TLK2: variants seen among roughly 807,000 people sequenced by gnomAD.
TLK2 encodes serine/threonine-protein kinase tousled-like 2.
TLK2 carries 6 observed loss-of-function variants against 117.3 expected under a neutral mutation model. That is an observed-to-expected ratio of 0.05 (90% CI 0.03 to 0.10). The LOEUF is 0.10. Among genes scored for constraint, TLK2 ranks in the 10% least tolerant of loss-of-function variants. TLK2 has a pLI of 1.00. For synonymous variants in TLK2, 257 were observed against 316.7 expected (o/e 0.81, Z 2.00); for missense variants, 299 against 901.2 (o/e 0.33, Z 8.56).
chr17:62,499,992 A>G (rs575718580), intron 2 of TLK2, among the ~76,000 whole-genome samples: 1 of 152,290 alleles, frequency 6.6e-6, no homozygotes, highest in African/African-American at 2.4e-5. Context: ...TTAGAGTGCC[A>G]TTTGCTATAA....
At chr17:62,584,107 GTTTTTTTTTTT>G (rs572000997) in intron 15 of TLK2, among the ~76,000 whole-genome samples, 14 of 78,528 alleles carry the variant, frequency 1.8e-4, no homozygotes, top group African/African-American at 6.1e-4. Context: ...TTCTTTTGTG[GTTTTTTTTTTT>G]TTTTTTTTTT....
intron 2 of TLK2, chr17:62,516,186 A>G (rs2075567216): frequency 8.6e-6 from 5 of 583,020 alleles, no homozygotes; most frequent in Non-Finnish European, 1.5e-5. Flanking sequence ...CGGCCTCCCA[A>G]AGTGCTGGGA....
Position 62,566,657 on chromosome 17 carries a change from A to G in TLK2, c.968+1520A>G, listed in dbSNP as rs1217448493. Among the ~76,000 whole-genome samples the G allele has an allele frequency of 1.1e-4, 16 of 152,326 alleles. No homozygotes were observed. In the East Asian group the frequency reaches 1.9e-3, roughly 18 times the overall value. ...TCAGGGCAGTGTAAACAGCAGTTAC[A>G]TGGAGGTATGATACCTGTTTATAAC... is the stretch of plus-strand genomic sequence containing the variant. On this transcript the variant is annotated intron_variant, in intron 11 of 21. Coordinates refer to ENST00000346027, the MANE Select transcript of TLK2 (RefSeq NM_006852.6).
rs569259840 is a variant in TLK2 at position 62,566,800 on chromosome 17, T to G, written c.968+1663T>G. On this transcript the variant is annotated intron_variant, in intron 11 of 21. Transcript: ENST00000346027. ...GATCCACATAGTGGCCAAAGCCACC[T>G]AATGCTTACACTGACTTCTAGTAGT... 1.1e-4 allele frequency among the ~76,000 whole-genome samples: 17 copies of G among 152,356 alleles called. No individual in the cohort carries two copies. The South Asian group carries it at 3.3e-3, about 30-fold the overall frequency.
intron 9 of TLK2, among the ~76,000 whole-genome samples, chr17:62,555,610 G>A (rs2146264068): frequency 6.7e-6 from 1 of 148,974 alleles, no homozygotes; most frequent in Non-Finnish European, 1.5e-5. Context: ...AGCCTCCTGA[G>A]TAGCTGGGAT....
chr17:62,488,181 G>T (rs914704382), intron 2 of TLK2, among the ~76,000 whole-genome samples: 1 of 150,374 alleles, frequency 6.7e-6, no homozygotes, highest in Non-Finnish European at 1.5e-5. Context: ...GAGTTCACCC[G>T]CCTTGGCCTC....
chr17:62,484,177 A>T (rs867047515), intron 2 of TLK2, among the ~76,000 whole-genome samples: 1 of 152,018 alleles, frequency 6.6e-6, no homozygotes, highest in Non-Finnish European at 1.5e-5. Flanking sequence ...ATTGATTACA[A>T]TGAATTTGTT....
At chr17:62,548,680 C>T (rs1383528742) in intron 7 of TLK2, among the ~76,000 whole-genome samples, 1 of 152,066 alleles carries the variant, frequency 6.6e-6, no homozygotes, top group Non-Finnish European at 1.5e-5. Flanking sequence ...ATATTTAAAC[C>T]AATATACCAT....
At chr17:62,559,480 C>T (rs1278805298) in intron 9 of TLK2, among the ~76,000 whole-genome samples, 1 of 151,290 alleles carries the variant, frequency 6.6e-6, no homozygotes, top group Non-Finnish European at 1.5e-5. Flanking sequence ...TGAGTTCAAG[C>T]GATTCTCCCG....
intron 16 of TLK2, among the ~76,000 whole-genome samples, chr17:62,588,010 C>A (rs543173906): frequency 4.1e-4 from 58 of 141,210 alleles, no homozygotes; most frequent in African/African-American, 1.5e-3. Flanking sequence ...ACGTATACAT[C>A]TGTATATGTA....
chr17:62,524,598 A>G (rs1007181815), intron 6 of TLK2, among the ~76,000 whole-genome samples: 4 of 152,192 alleles, frequency 2.6e-5, no homozygotes, highest in African/African-American at 4.8e-5. Flanking sequence ...ATTGATTCCA[A>G]TCGAAACATT....
At chr17:62,504,375 A>G (rs1261108128) in intron 2 of TLK2, among the ~76,000 whole-genome samples, 1 of 152,220 alleles carries the variant, frequency 6.6e-6, no homozygotes, top group East Asian at 1.9e-4. Context: ...TGATTTGCCC[A>G]GTTTCATACA....
At position 62,612,567 on chromosome 17, in the gene TLK2, A is replaced by G. The variant is rs2083887574; in HGVS notation, c.*2A>G. The G allele has an allele frequency of 6.2e-7, 1 of 1,609,662 alleles. No homozygotes were observed. The highest frequency in any genetic ancestry group is 8.5e-7 in the Non-Finnish European group (1 of 1,177,410). ...TCCAATAACAGTTCTTCTAATTGAG[A>G]CTGACTCCAAGGCCACAAACTGTTC... On this transcript the variant is annotated 3_prime_UTR_variant, in exon 22 of 22. Transcript: ENST00000346027.
chr17:62,569,534 C>T (rs1367464758), intron 11 of TLK2, among the ~76,000 whole-genome samples: 3 of 143,104 alleles, frequency 2.1e-5, no homozygotes, highest in Non-Finnish European at 4.5e-5. Context: ...CCCCTGGGTT[C>T]AAGCAATTCT....
intron 2 of TLK2, among the ~76,000 whole-genome samples, chr17:62,513,853 A>T (rs1167968198): frequency 6.6e-6 from 1 of 151,668 alleles, no homozygotes; most frequent in East Asian, 2.0e-4. Flanking sequence ...ACGTCCAGCT[A>T]ATTTTTTGTA....
chr17:62,606,422 A>C (rs1319959103), intron 20 of TLK2, among the ~76,000 whole-genome samples, 181 bp downstream of exon 20: 1 of 152,228 alleles, frequency 6.6e-6, no homozygotes, highest in Non-Finnish European at 1.5e-5. Context: ...GTAAGCAGAA[A>C]TCCTCAACCC....
Position 62,534,680 on chromosome 17 carries a change from A to G in TLK2, c.364-1490A>G, listed in dbSNP as rs375536205. Among the ~76,000 whole-genome samples, 6 of 152,088 alleles carry G rather than the reference A, an allele frequency of 3.9e-5. No individual in the cohort carries two copies. In the East Asian group the frequency reaches 5.8e-4, roughly 15 times the overall value. On this transcript the variant is annotated intron_variant, in intron 6 of 21. Transcript: ENST00000346027. Reference sequence around the variant, plus strand: ...TCCAAAAATGACACTAAAAATCTTTAATTTCTAATATTTTTACTTCATTTT... The same window carrying G: ...TCCAAAAATGACACTAAAAATCTTTGATTTCTAATATTTTTACTTCATTTT...
intron 6 of TLK2, among the ~76,000 whole-genome samples, chr17:62,526,129 G>A (rs571618836): frequency 4.1e-4 from 62 of 152,286 alleles, no homozygotes; most frequent in Admixed American, 3.6e-3. Flanking sequence ...TCATCATCAT[G>A]CAAATCTGAG....
intron 2 of TLK2, among the ~76,000 whole-genome samples, chr17:62,487,095 C>T (rs1326815890): frequency 5.9e-5 from 9 of 152,078 alleles, no homozygotes; most frequent in African/African-American, 1.4e-4. Flanking sequence ...AGATCGAGAC[C>T]GTCCTGGCCA....
Sources: gnomAD v4.1 joint callset for allele counts (sites outside exome capture counted in the v4.1 genomes callset) on GRCh38, gnomAD v4.1.1 for gene constraint, MANE v1.5 for transcripts, NCBI Gene and HGNC (gene_info 2026-07-23, HGNC 2026-07-21) for gene names.